Variants in PXYLP1 observed in about 807,000 individuals in gnomAD.
PXYLP1 encodes acid phosphatase-like 2.
Under a neutral mutation model 37.9 loss-of-function variants are expected in PXYLP1, and 17 were observed. The ratio of observed to expected loss-of-function variants is 0.45; its 90% CI spans 0.31 to 0.67. The LOEUF is 0.67. PXYLP1 is among the 30% of genes least tolerant of loss of function. PXYLP1 has a pLI of 0.07. For synonymous variants in PXYLP1, 221 were observed against 232.2 expected (o/e 0.95, Z 0.44); for missense variants, 511 against 612.0 (o/e 0.84, Z 1.74).
chr3:141,247,685 G>A lies in PXYLP1; in HGVS notation c.-53-12438G>A, dbSNP rs183830430. Among the ~76,000 whole-genome samples the A allele has an allele frequency of 2.0e-3, 301 of 152,280 alleles. 1 individual carries two copies. Among genetic ancestry groups the A allele is most frequent in the African/African-American group, 7.0e-3 (290 of 41,558 alleles). Reference sequence around the variant, plus strand: ...CAGTACCCAAGCAGTAACTCCATGCGCCTTGTAAGAGAACTACAAAAACAA... The same window carrying A: ...CAGTACCCAAGCAGTAACTCCATGCACCTTGTAAGAGAACTACAAAAACAA... On this transcript the variant is annotated intron_variant, in intron 1 of 5. Coordinates refer to ENST00000286353, the MANE Select transcript of PXYLP1 (RefSeq NM_001037172.3).
intron 2 of PXYLP1, among the ~76,000 whole-genome samples, chr3:141,271,036 A>T (rs1300417595): frequency 6.6e-6 from 1 of 152,180 alleles, no homozygotes; most frequent in East Asian, 1.9e-4. Flanking sequence ...AACTCTAGGC[A>T]TGTGCCACCA....
At chr3:141,273,829 C>T (rs1325896422) in intron 2 of PXYLP1, 6 of 985,022 alleles carry the variant, frequency 6.1e-6, no homozygotes, top group African/African-American at 1.8e-5. Flanking sequence ...ATTGCATGCC[C>T]GTTGGTACAG....
chr3:141,276,459 T>C (rs948911574), intron 2 of PXYLP1, among the ~76,000 whole-genome samples: 1 of 152,248 alleles, frequency 6.6e-6, no homozygotes, highest in Non-Finnish European at 1.5e-5. Context: ...TGACTTGGTG[T>C]ATTCACTTCA....
At chr3:141,261,626 C>T (rs1281660907) in intron 2 of PXYLP1, among the ~76,000 whole-genome samples, 2 of 152,182 alleles carry the variant, frequency 1.3e-5, no homozygotes, top group African/African-American at 4.8e-5. Flanking sequence ...CCACGCCCGG[C>T]CCCCTCCTTT....
In PXYLP1 at chr3:141,287,397, C is replaced by G. The variant is rs1186785501; in HGVS notation, c.449C>G (p.Ser150Cys). 6 of 1,614,056 alleles carry G rather than the reference C, an allele frequency of 3.7e-6. No homozygotes were observed. Among genetic ancestry groups the G allele is most frequent in the Non-Finnish European group, 5.1e-6 (6 of 1,180,038 alleles). Residue 150 changes from serine (S) to cysteine (C), a missense_variant, in exon 5 of 6, where the codon TCC becomes TGC. Transcript: ENST00000286353. ...GCCTCTTTCGAAAGCCCCTTGAACT[C>G]CTTGCCTCTTTACCCAAATCACCCA... The part of the protein sequence containing the change: ...SGASFESPLN[S>C]LPLYPNHPLC...
Position 141,292,390 on chromosome 3 carries a change from AC to A in PXYLP1, c.631del (p.Leu211TyrfsTer39), listed in dbSNP as rs1292226017. ...LYLETTGKSR[T>X]LQSGLALLYG... is the part of the protein sequence containing the mutation. The stretch of plus-strand genomic sequence containing the variant: ...TTTAGAGACCACTGGGAAAAGCCGG[AC>A]CCTACAAAGTGGGCTGGCCTTGCTT... On this transcript the variant is annotated frameshift_variant, in exon 6 of 6. Coordinates refer to ENST00000286353, the MANE Select transcript of PXYLP1 (RefSeq NM_001037172.3). LOFTEE classifies it high-confidence loss of function. This position sits in a 1 kb window ranked among gnomAD's most constrained non-coding sequence, Gnocchi z 4.3. 1 of 1,614,140 alleles carries A rather than the reference AC, an allele frequency of 6.2e-7. No individual in the cohort carries two copies. Among genetic ancestry groups the A allele is most frequent in the Non-Finnish European group, 8.5e-7 (1 of 1,180,032 alleles).
chr3:141,268,028 A>G (rs1941564092), intron 2 of PXYLP1, among the ~76,000 whole-genome samples: 1 of 152,228 alleles, frequency 6.6e-6, no homozygotes, highest in South Asian at 2.1e-4. Context: ...GTAATAGGAA[A>G]CAAAGGAGAA....
rs539830532 is a variant in PXYLP1, at chr3:141,273,515, G to T, written c.80-4827G>T. ...TGCATTCGGGAGATGGGGTGGGGAA[G>T]GGTGGTGGGGAGGGAGCCTGCGTGG... On this transcript the variant is annotated intron_variant, in intron 2 of 5. Transcript: ENST00000286353. 7.1e-6 allele frequency: 7 copies of T among 985,502 alleles called. No individual in the cohort carries two copies. The Admixed American group carries it at 3.1e-4, about 43-fold the overall frequency. 61.0% of individuals were successfully genotyped at this position (985,502 alleles called of 1,614,324 possible).
chr3:141,272,098 C>G (rs1009422071), intron 2 of PXYLP1, among the ~76,000 whole-genome samples: 1 of 152,166 alleles, frequency 6.6e-6, no homozygotes, highest in Admixed American at 6.5e-5. Context: ...TGGCCCTATC[C>G]CAGGGCCTTG....
chr3:141,279,735 AC>A (rs1258812367), intron 4 of PXYLP1, among the ~76,000 whole-genome samples: 6 of 152,118 alleles, frequency 3.9e-5, no homozygotes, highest in Admixed American at 3.3e-4. Flanking sequence ...TCTGAGGCTC[AC>A]CCTCCCACCC....
chr3:141,254,594 A>G (rs1313433357), intron 1 of PXYLP1, among the ~76,000 whole-genome samples: 1 of 152,188 alleles, frequency 6.6e-6, no homozygotes, highest in Non-Finnish European at 1.5e-5. Context: ...TTGGGCAAGC[A>G]TCTTTGATTT....
Position 141,292,920 on chromosome 3 carries a change from C to T in PXYLP1, c.1158C>T (p.Leu386=), listed in dbSNP as rs1942262609. 2 of 1,614,190 alleles carry T rather than the reference C, an allele frequency of 1.2e-6. No homozygotes were observed. The highest frequency in any genetic ancestry group is 1.7e-5 in the Admixed American group (1 of 60,020). ...ATGATGTCACTCTGTCACCAGTTCTCAGTGCCTTGGGCCTTTCAGAAGCCA... is the reference window on the plus strand; with the variant it reads ...ATGATGTCACTCTGTCACCAGTTCTTAGTGCCTTGGGCCTTTCAGAAGCCA... ...SAHDVTLSPV[L]SALGLSEARF... Residue 386 remains leucine (L), a synonymous_variant, in exon 6 of 6, where the codon CTC becomes CTT. Coordinates refer to ENST00000286353, the MANE Select transcript of PXYLP1 (RefSeq NM_001037172.3). This position sits in a 1 kb window ranked among gnomAD's most constrained non-coding sequence, Gnocchi z 4.3.
At chr3:141,279,716 C>G (rs1941902089) in intron 4 of PXYLP1, among the ~76,000 whole-genome samples, 1 of 152,176 alleles carries the variant, frequency 6.6e-6, no homozygotes, top group African/African-American at 2.4e-5. Context: ...TATACTGAGC[C>G]CAGGCCAGTC....
intron 2 of PXYLP1, among the ~76,000 whole-genome samples, chr3:141,269,112 G>A (rs866011668): frequency 9.8e-5 from 15 of 152,304 alleles, no homozygotes; most frequent in Middle Eastern, 3.4e-3. Flanking sequence ...AAAGCCCCTC[G>A]CCTGTCTGGC....
chr3:141,280,325 G>A (rs1941920229), intron 4 of PXYLP1, among the ~76,000 whole-genome samples: 1 of 152,240 alleles, frequency 6.6e-6, no homozygotes, highest in African/African-American at 2.4e-5. Context: ...AGCCAGGGCT[G>A]TTCTTTAAAA....
chr3:141,273,236 T>C, intron 2 of PXYLP1: 23 of 985,464 alleles, frequency 2.3e-5, no homozygotes, highest in Non-Finnish European at 2.8e-5. Flanking sequence ...ATGTGCTCCA[T>C]ACATGTTGGA....
At chr3:141,274,988 G>T (rs1055070529) in intron 2 of PXYLP1, among the ~76,000 whole-genome samples, 2 of 152,222 alleles carry the variant, frequency 1.3e-5, no homozygotes, top group East Asian at 3.8e-4. Flanking sequence ...ACCAAGTTGG[G>T]ATTGGGGTCA....
At chr3:141,265,978 A>T (rs774561799) in intron 2 of PXYLP1, among the ~76,000 whole-genome samples, 2 of 152,156 alleles carry the variant, frequency 1.3e-5, no homozygotes, top group African/African-American at 4.8e-5. Context: ...CATGGACATC[A>T]TTGGAGGTAG....
At chr3:141,238,693 T>C (rs940642033) in intron 1 of PXYLP1, among the ~76,000 whole-genome samples, 2 of 151,858 alleles carry the variant, frequency 1.3e-5, no homozygotes, top group African/African-American at 4.8e-5. Context: ...CCCAATATTG[T>C]AACTATACAT....
Sources: allele counts gnomAD v4.1 joint callset (sites outside exome capture counted in the v4.1 genomes callset), GRCh38; gene constraint gnomAD v4.1.1; non-coding constraint Gnocchi (gnomAD v3.1); transcripts MANE v1.5; gene names NCBI Gene and HGNC (gene_info 2026-07-23, HGNC 2026-07-21).